Variants in AKAP8L observed in about 807,000 individuals in gnomAD.
AKAP8L encodes A-kinase anchor protein 8-like.
Under a neutral mutation model 77.5 loss-of-function variants are expected in AKAP8L, and 34 were observed. The ratio of observed to expected loss-of-function variants is 0.44; its 90% CI spans 0.33 to 0.58. The LOEUF is 0.58. Among genes scored for constraint, AKAP8L ranks in the 20% least tolerant of loss-of-function variants. The pLI, the probability that AKAP8L is intolerant of heterozygous loss-of-function variation, is 0.02. For missense variants in AKAP8L, 806 were observed against 887.6 expected, an observed-to-expected ratio of 0.91 and a Z score of 1.17; for synonymous variants, 342 against 340.7, an observed-to-expected ratio of 1.00 and a Z score of -0.04.
Position 15,399,126 on chromosome 19 carries a change from G to A in AKAP8L, c.1157+176C>T, listed in dbSNP as rs1206152273. On this transcript the variant is annotated intron_variant, in intron 9 of 13. Transcript: ENST00000397410. This position sits in a 1 kb window ranked among gnomAD's most constrained non-coding sequence, Gnocchi z 6.1. ...GCCAGGCGGCCGCAGAGGGGCAGGG[G>A]ATGAGTCAGGCCTTGGGAGCTGGGC... 1.6e-6 allele frequency: 1 copy of A among 628,960 alleles called. No homozygotes were observed. The highest frequency in any genetic ancestry group is 2.8e-6 in the Non-Finnish European group (1 of 360,540). The allele number at this position is 628,960 out of a possible 1,614,324, so 39.0% of individuals were successfully genotyped here. A position where few individuals can be genotyped will look rare whatever the true frequency, so the allele number is the denominator to read the frequency against.
rs1305635912 is a variant in AKAP8L at position 15,397,480 on chromosome 19, G to A, written c.1405+40C>T. ...GCACCGAAAATCAGGAGTGCAGGCT[G>A]AGGCCTTGCCTGGTGGGAGTGGGCT... On this transcript the variant is annotated intron_variant, in intron 11 of 13. Coordinates refer to ENST00000397410, the MANE Select transcript of AKAP8L (RefSeq NM_014371.4). This position sits in a 1 kb window ranked among gnomAD's most constrained non-coding sequence, Gnocchi z 4.7. 13 of 1,573,596 alleles carry A rather than the reference G, an allele frequency of 8.3e-6. No individual in the cohort carries two copies. Among genetic ancestry groups the A allele is most frequent in the Non-Finnish European group, 1.1e-5 (13 of 1,146,050 alleles).
Position 15,398,699 on chromosome 19 carries a change from C to T in AKAP8L, c.1157+603G>A, listed in dbSNP as rs914802135. ...GGAGAGCCCAGGGGCCGGGCGCCGG[C>T]GAGGCTGAGGAAGGTCCAGCAAGAG... is the stretch of plus-strand genomic sequence containing the variant. On this transcript the variant is annotated intron_variant, in intron 9 of 13. Coordinates refer to ENST00000397410, the MANE Select transcript of AKAP8L (RefSeq NM_014371.4). The surrounding 1 kb of genome is among the most constrained non-coding windows in gnomAD (Gnocchi z 9.2). 7 of 987,750 alleles carry T rather than the reference C, an allele frequency of 7.1e-6. No individual in the cohort carries two copies. Among genetic ancestry groups the T allele is most frequent in the African/African-American group, 1.7e-5 (1 of 57,248 alleles). The allele number at this position is 987,750 out of a possible 1,614,324, so 61.2% of individuals were successfully genotyped here.
At chr19:15,381,437 C>T (rs1967414647) in intron 12 of AKAP8L, among the ~76,000 whole-genome samples, 1 of 152,116 alleles carries the variant, frequency 6.6e-6, no homozygotes, top group Non-Finnish European at 1.5e-5. Context: ...GAAGGATTTC[C>T]ATCAATATGC....
chr19:15,384,362 C>T (rs1220083479), intron 12 of AKAP8L, among the ~76,000 whole-genome samples: 2 of 145,740 alleles, frequency 1.4e-5, no homozygotes, highest in African/African-American at 2.6e-5. Context: ...TGCAATGGCG[C>T]GATCTTGGCT....
intron 1 of AKAP8L, among the ~76,000 whole-genome samples, chr19:15,415,298 T>G (rs1315649824): frequency 6.6e-6 from 1 of 152,166 alleles, no homozygotes; most frequent in Non-Finnish European, 1.5e-5. Context: ...CATGGTGGCA[T>G]GCACATGTAG....
At chr19:15,388,465 A>G (rs1395409212) in intron 12 of AKAP8L, among the ~76,000 whole-genome samples, 1 of 152,146 alleles carries the variant, frequency 6.6e-6, no homozygotes, top group Non-Finnish European at 1.5e-5. Context: ...TTTAAAGAAA[A>G]CTCAAGTAGA....
rs544202650 is a variant in AKAP8L, at chr19:15,397,460, G to A, written c.1405+60C>T. The A allele has an allele frequency of 1.3e-5, 20 of 1,535,054 alleles. No individual in the cohort carries two copies. Among genetic ancestry groups the A allele is most frequent in the Admixed American group, 5.2e-5 (3 of 57,388 alleles). ...CAGAAGGGTGTCCTGACCCTGCACCGAAAATCAGGAGTGCAGGCTGAGGCC... is the reference window on the plus strand; with the variant it reads ...CAGAAGGGTGTCCTGACCCTGCACCAAAAATCAGGAGTGCAGGCTGAGGCC... On this transcript the variant is annotated intron_variant, in intron 11 of 13. Transcript: ENST00000397410. The surrounding 1 kb of genome is among the most constrained non-coding windows in gnomAD (Gnocchi z 4.7).
intron 2 of AKAP8L, 125 bp from the exon 3 acceptor site, chr19:15,404,167 G>T: frequency 1.0e-6 from 1 of 964,426 alleles, no homozygotes. Context: ...TAACCGAGAA[G>T]CCTTGAGCTC....
intron 12 of AKAP8L, chr19:15,383,657 A>C (rs559258437): frequency 4.6e-5 from 7 of 152,118 alleles, no homozygotes; most frequent in Non-Finnish European, 1.0e-4. Context: ...TTACTGTGCT[A>C]ATTATCACTT....
rs575301099 is a variant in AKAP8L at position 15,403,376 on chromosome 19, G to T, written c.362+99C>A. 1.9e-5 allele frequency: 22 copies of T among 1,160,420 alleles called. No homozygotes were observed. Among genetic ancestry groups the T allele is most frequent in the Middle Eastern group, 2.4e-4 (1 of 4,138 alleles). 71.9% of individuals were successfully genotyped at this position (1,160,420 alleles called of 1,614,324 possible). A position where few individuals can be genotyped will look rare whatever the true frequency, so the allele number is the denominator to read the frequency against. ...CACAGCAGCACCAAGCAGCGGGGAG[G>T]AAGCAGACACAGAGGGGCACTCAGA... On this transcript the variant is annotated intron_variant, in intron 4 of 13. Transcript: ENST00000397410. This position sits in a 1 kb window ranked among gnomAD's most constrained non-coding sequence, Gnocchi z 4.3.
chr19:15,416,537 G>A (rs1968210783), intron 1 of AKAP8L, among the ~76,000 whole-genome samples: 1 of 152,220 alleles, frequency 6.6e-6, no homozygotes, highest in Non-Finnish European at 1.5e-5. Flanking sequence ...GGGACCTCCA[G>A]CCTCAGTCAG....
At position 15,418,797 on chromosome 19, in the gene AKAP8L, C is replaced by G. The variant is rs1018677966; in HGVS notation, c.13+114G>C. 1.8e-5 allele frequency: 19 copies of G among 1,067,100 alleles called. No individual in the cohort carries two copies. In the African/African-American group the frequency reaches 2.2e-4, roughly 12 times the overall value. The allele number at this position is 1,067,100 out of a possible 1,614,324, so 66.1% of individuals were successfully genotyped here. ...CGGGCCAGCGGCGCCATTTTGTGAC[C>G]GCAGGGAAGGCAGTGACGGGGCCCC... On this transcript the variant is annotated intron_variant, in intron 1 of 13. Coordinates refer to ENST00000397410, the MANE Select transcript of AKAP8L (RefSeq NM_014371.4).
At chr19:15,384,729 G>A (rs140051484) in intron 12 of AKAP8L, among the ~76,000 whole-genome samples, 98 of 152,276 alleles carry the variant, frequency 6.4e-4, no homozygotes, top group African/African-American at 2.1e-3. Context: ...ACGACTTTTT[G>A]TACGCTATTT....
At chr19:15,385,224 G>A (rs1356352682) in intron 12 of AKAP8L, among the ~76,000 whole-genome samples, 21 of 142,522 alleles carry the variant, frequency 1.5e-4, no homozygotes, top group South Asian at 4.5e-4. Flanking sequence ...TGATCCGCCC[G>A]CCTCGGCCTC....
At chr19:15,415,093 A>G (rs1968180286) in intron 1 of AKAP8L, among the ~76,000 whole-genome samples, 1 of 152,214 alleles carries the variant, frequency 6.6e-6, no homozygotes, top group Admixed American at 6.5e-5. Flanking sequence ...TTCTGCAGCA[A>G]CACTCCTTGC....
intron 12 of AKAP8L, among the ~76,000 whole-genome samples, chr19:15,395,995 A>T (rs1381834520): frequency 1.4e-5 from 2 of 146,684 alleles, no homozygotes; most frequent in South Asian, 4.4e-4. Context: ...AAAAAAAAAA[A>T]AAAAAAAGAA....
intron 12 of AKAP8L, among the ~76,000 whole-genome samples, chr19:15,381,448 TG>T (rs1376929768): frequency 3.3e-5 from 5 of 152,296 alleles, no homozygotes; most frequent in Admixed American, 6.5e-5. Flanking sequence ...ATCAATATGC[TG>T]GGCCATCTCA....
In AKAP8L at chr19:15,399,793, C is replaced by T. The variant is rs900528662; in HGVS notation, c.1049-383G>A. Reference sequence around the variant, plus strand: ...CCTGCCCACCCCCAACCGGGCACCGCGGCAACAGTGGGCTGACGCTGGATT... The same window carrying T: ...CCTGCCCACCCCCAACCGGGCACCGTGGCAACAGTGGGCTGACGCTGGATT... On this transcript the variant is annotated intron_variant, in intron 8 of 13. Transcript: ENST00000397410. This position sits in a 1 kb window ranked among gnomAD's most constrained non-coding sequence, Gnocchi z 6.1. 7 of 329,606 alleles carry T rather than the reference C, an allele frequency of 2.1e-5. No homozygotes were observed. The highest frequency in any genetic ancestry group is 4.4e-5 in the Admixed American group (1 of 22,862). 20.4% of individuals were successfully genotyped at this position (329,606 alleles called of 1,614,324 possible). A position where few individuals can be genotyped will look rare whatever the true frequency, so the allele number is the denominator to read the frequency against.
intron 12 of AKAP8L, among the ~76,000 whole-genome samples, chr19:15,382,207 ATT>A (rs762900125): frequency 1.8e-4 from 22 of 119,470 alleles, no homozygotes; most frequent in African/African-American, 6.5e-4. Flanking sequence ...TCACATTTAA[ATT>A]TTTTTTTTTT....
Sources: allele counts gnomAD v4.1 joint callset (sites outside exome capture counted in the v4.1 genomes callset), GRCh38; gene constraint gnomAD v4.1.1; non-coding constraint Gnocchi (gnomAD v3.1); transcripts MANE v1.5; gene names NCBI Gene and HGNC (gene_info 2026-07-23, HGNC 2026-07-21).